The following RRP12 variants were observed in gnomAD, a reference collection of about 807,000 sequenced individuals.
The protein encoded by RRP12 is RRP12-like protein.
A neutral mutation model predicts 157.3 loss-of-function variants in RRP12; 78 were observed. The ratio of observed to expected loss-of-function variants is 0.50; its 90% CI spans 0.41 to 0.60. RRP12 has a LOEUF of 0.60. Among genes scored for constraint, RRP12 ranks in the 20% least tolerant of loss-of-function variants. The probability of loss-of-function intolerance (pLI) is 0.00; values close to 1 mark genes in which losing one functional copy is unlikely to be tolerated. For synonymous variants in RRP12, 726 were observed against 670.9 expected (o/e 1.08, Z -1.27); for missense variants, 1,521 against 1,679.9 (o/e 0.91, Z 1.65).
At chr10:97,400,587 C>T in intron 1 of RRP12, 53 bp from the exon 2 acceptor site, 1 of 1,457,580 alleles carries the variant, frequency 6.9e-7, no homozygotes, top group Non-Finnish European at 9.5e-7. Flanking sequence ...GTCAAGAGAA[C>T]AGAACAACCC....
At position 97,358,903 on chromosome 10, in the gene RRP12, C is replaced by CCAGT. The variant is rs774839837; in HGVS notation, c.3708+36_3708+39dup. 3.3e-5 allele frequency: 51 copies of CCAGT among 1,543,820 alleles called. 1 individual carries two copies. The Admixed American group carries it at 7.7e-4, about 23-fold the overall frequency. ...CTCCTTGCCCCTCCCTGGCACCTGT[C>CCAGT]CAGTGCCAGGAGACCCCATGCCCTA... On this transcript the variant is annotated intron_variant, in intron 32 of 33. Coordinates refer to ENST00000370992, the MANE Select transcript of RRP12 (RefSeq NM_015179.4).
Position 97,366,192 on chromosome 10 carries a change from C to T in RRP12, c.3433G>A (p.Gly1145Ser), listed in dbSNP as rs2275580. The change falls in exon 29 of 34, where the codon GGC becomes AGC. Residue 1145 changes from glycine (G) to serine (S), a missense_variant. Gly to Ser is a moderately conservative substitution (Grantham distance 56, BLOSUM62 0). Coordinates refer to ENST00000370992, the MANE Select transcript of RRP12 (RefSeq NM_015179.4). ...CGGCCATCGGCGCTCACCTTGAAGCCGTGGTCCTTCTTCCTGCCCCGGCCT... is the reference window on the plus strand; with the variant it reads ...CGGCCATCGGCGCTCACCTTGAAGCTGTGGTCCTTCTTCCTGCCCCGGCCT... ...GPGRGRKKDHGFKVSADGRLI... is the reference protein window; with the variant it reads ...GPGRGRKKDHSFKVSADGRLI... 904,483 of 1,610,472 alleles carry T rather than the reference C, an allele frequency of 0.56. 261,545 individuals carry two copies. The highest frequency in any genetic ancestry group is 0.6 in the Non-Finnish European group (705,538 of 1,179,820).
At position 97,381,754 on chromosome 10, in the gene RRP12, T is replaced by C. The variant is rs1844474264; in HGVS notation, c.1281A>G (p.Pro427=). 6.2e-7 allele frequency: 1 copy of C among 1,613,986 alleles called. No homozygotes were observed. The highest frequency in any genetic ancestry group is 8.5e-7 in the Non-Finnish European group (1 of 1,179,994). Residue 427 remains proline (P), a synonymous_variant, in exon 11 of 34, where the codon CCA becomes CCG. Transcript: ENST00000370992. ...FGTAVTCLLS[P]HSQVLTAATQ... Reference sequence around the variant, plus strand: ...TAGCAGCAGTCAGCACTTGCGAGTGTGGGGAAAGGAGGCAGGTCACCGCAG... The same window carrying C: ...TAGCAGCAGTCAGCACTTGCGAGTGCGGGGAAAGGAGGCAGGTCACCGCAG...
intron 4 of RRP12, among the ~76,000 whole-genome samples, chr10:97,392,110 A>G (rs1051653366): frequency 6.6e-6 from 1 of 151,654 alleles, no homozygotes; most frequent in African/African-American, 2.4e-5. Flanking sequence ...AGTTGGGACT[A>G]CAGGTGCATG....
Position 97,372,159 on chromosome 10 carries a change from C to G in RRP12, c.2257G>C (p.Val753Leu), listed in dbSNP as rs555149269. 1 of 1,613,282 alleles carries G rather than the reference C, an allele frequency of 6.2e-7. No individual in the cohort carries two copies. The highest frequency in any genetic ancestry group is 1.1e-5 in the South Asian group (1 of 91,062). The change falls in exon 20 of 34, where the codon GTC (valine) becomes CTC (leucine). Residue 753 changes from valine to leucine, a missense_variant. By Grantham distance (32) the Val-to-Leu change is conservative. Transcript: ENST00000370992. The stretch of plus-strand genomic sequence containing the variant: ...GCCAAGGCCACGACCAGGTCCAGGA[C>G]AGACAATCTGCTCGGGGCAGGAGGA... ...PASSDFTRLS[V>L]LDLVVALAPC...
In RRP12 at chr10:97,385,172, A is replaced by G; in HGVS notation, c.1202T>C (p.Leu401Pro). 1 of 1,612,874 alleles carries G rather than the reference A, an allele frequency of 6.2e-7. No homozygotes were observed. The highest frequency in any genetic ancestry group is 8.5e-7 in the Non-Finnish European group (1 of 1,178,898). Residue 401 changes from leucine (L) to proline (P), a missense_variant, in exon 10 of 34, where the codon CTG becomes CCG. Leu to Pro is a moderately conservative substitution (Grantham distance 98). Transcript: ENST00000370992. Reference protein sequence around the residue: ...LKVMEKAHINLVRLQWDLGLG... With the variant: ...LKVMEKAHINPVRLQWDLGLG... Reference sequence around the variant, plus strand: ...ACCCCTCCTTCATCCGTACCTCACCAGGTTGATGTGGGCTTTCTCCATGAC... The same window carrying G: ...ACCCCTCCTTCATCCGTACCTCACCGGGTTGATGTGGGCTTTCTCCATGAC...
chr10:97,385,638 G>A (rs909024053), intron 9 of RRP12, among the ~76,000 whole-genome samples: 2 of 152,106 alleles, frequency 1.3e-5, no homozygotes, highest in Non-Finnish European at 2.9e-5. Context: ...GTATCTATGA[G>A]CACCACGAGA....
intron 3 of RRP12, among the ~76,000 whole-genome samples, chr10:97,394,670 G>A (rs968836655): frequency 2.0e-5 from 3 of 152,178 alleles, no homozygotes; most frequent in African/African-American, 7.2e-5. Flanking sequence ...GATTAAAGGC[G>A]TGAGCCACCA....
intron 8 of RRP12, chr10:97,388,044 G>T: frequency 1.7e-6 from 1 of 577,692 alleles, no homozygotes; most frequent in Non-Finnish European, 3.0e-6. Flanking sequence ...ACTCTGACCT[G>T]ATCTCTGAGG....
chr10:97,386,916 G>A (rs1219269268), intron 8 of RRP12, among the ~76,000 whole-genome samples: 1 of 152,050 alleles, frequency 6.6e-6, no homozygotes, highest in South Asian at 2.1e-4. Flanking sequence ...CGTGAACCCG[G>A]AAGGCGGAGT....
chr10:97,367,860 T>C (rs773839932), intron 25 of RRP12, among the ~76,000 whole-genome samples: 3 of 151,574 alleles, frequency 2.0e-5, no homozygotes, highest in Non-Finnish European at 4.4e-5. Flanking sequence ...GCTTCCTGAA[T>C]AGCTGGGATT....
rs372433357 is a variant in RRP12 at position 97,385,261 on chromosome 10, A to G, written c.1117-4T>C. On this transcript the variant is annotated splice_region_variant and splice_polypyrimidine_tract_variant and intron_variant, in intron 9 of 33. Coordinates refer to ENST00000370992, the MANE Select transcript of RRP12 (RefSeq NM_015179.4). ...TGGGAACATAGTCGTACAGGGCCTA[A>G]AAGTGGGAATAAGCAGGTGACTGAG... The G allele has an allele frequency of 2.0e-5, 33 of 1,612,232 alleles. No individual in the cohort carries two copies. In the African/African-American group the frequency reaches 3.3e-4, roughly 16 times the overall value.
chr10:97,362,642 G>A (rs1041935176), intron 30 of RRP12, among the ~76,000 whole-genome samples: 31 of 152,132 alleles, frequency 2.0e-4, no homozygotes, highest in African/African-American at 6.3e-4. Flanking sequence ...TTGCCTGGGC[G>A]CAGAGAGGGG....
chr10:97,378,674 T>C (rs1432524790), intron 15 of RRP12, among the ~76,000 whole-genome samples: 1 of 152,058 alleles, frequency 6.6e-6, no homozygotes, highest in Non-Finnish European at 1.5e-5. Context: ...CTGGCTGCCA[T>C]GGCAAAACCC....
chr10:97,366,094 C>A lies in RRP12; in HGVS notation c.3517+14G>T, dbSNP rs375551868. The A allele has an allele frequency of 3.1e-6, 5 of 1,600,826 alleles. No individual in the cohort carries two copies. Among genetic ancestry groups the A allele is most frequent in the Admixed American group, 3.3e-5 (2 of 59,804 alleles). ...TGAACACGGTGAATGAATGGACAAG[C>A]GCGTTGGGCCCACCTTTGGCACCTT... On this transcript the variant is annotated intron_variant, in intron 29 of 33. Coordinates refer to ENST00000370992, the MANE Select transcript of RRP12 (RefSeq NM_015179.4).
intron 1 of RRP12, 120 bp downstream of exon 1, chr10:97,400,973 T>G (rs1236146731): frequency 1.4e-5 from 18 of 1,258,352 alleles, no homozygotes; most frequent in Non-Finnish European, 1.8e-5. Context: ...AGATCCGACA[T>G]CCTAAGAGAC....
Position 97,400,426 on chromosome 10 carries a change from G to GT in RRP12, c.247_248insA (p.Ala83AspfsTer51). 1 of 1,614,056 alleles carries GT rather than the reference G, an allele frequency of 6.2e-7. No individual in the cohort carries two copies. Among genetic ancestry groups the GT allele is most frequent in the Non-Finnish European group, 8.5e-7 (1 of 1,180,006 alleles). On this transcript the variant is annotated frameshift_variant, in exon 2 of 34. Coordinates refer to ENST00000370992, the MANE Select transcript of RRP12 (RefSeq NM_015179.4). LOFTEE classifies it high-confidence loss of function. ...GGACTTCTCGGTGAGAACCAGCTCC[G>GT]CCTCTTCTTCCATGGGCGTCTCCGG...
At chr10:97,365,977 A>G (rs1843964622) in intron 29 of RRP12, 131 bp downstream of exon 29, 1 of 1,235,974 alleles carries the variant, frequency 8.1e-7, no homozygotes, top group Admixed American at 2.2e-5. Flanking sequence ...AGTTTGAGAA[A>G]CTCAAAAAGT....
chr10:97,361,831 G>A (rs1027247332), intron 30 of RRP12, among the ~76,000 whole-genome samples: 1 of 152,158 alleles, frequency 6.6e-6, no homozygotes, highest in Admixed American at 6.5e-5. Flanking sequence ...GAACTTGGCC[G>A]GGCCCGGTGG....
Sources: allele counts gnomAD v4.1 joint callset (sites outside exome capture counted in the v4.1 genomes callset), GRCh38; gene constraint gnomAD v4.1.1; transcripts MANE v1.5; gene names NCBI Gene and HGNC (gene_info 2026-07-23, HGNC 2026-07-21).